Variants in APOOL observed in about 807,000 individuals in gnomAD.
The protein encoded by APOOL is apolipoprotein O like.
APOOL carries 12 observed loss-of-function variants against 23.1 expected under a neutral mutation model. The observed-to-expected ratio is 0.52, with a 90% confidence interval of 0.33 to 0.84. APOOL has a LOEUF of 0.84. Ranked by LOEUF, APOOL falls within the 40% of genes least tolerant of loss-of-function variation. The pLI, the probability that APOOL is intolerant of heterozygous loss-of-function variation, is 0.02. For synonymous variants in APOOL, 77 were observed against 69.9 expected, an observed-to-expected ratio of 1.10 and a Z score of -0.51; for missense variants, 212 against 199.6, an observed-to-expected ratio of 1.06 and a Z score of -0.37.
chrX:85,003,980 A>C, intron 1 of APOOL, 53 bp downstream of exon 1: 1 of 1,200,074 alleles, frequency 8.3e-7, no homozygotes, highest in Non-Finnish European at 1.1e-6. Context: ...GCATCCCGGT[A>C]ACTGTAAAAG....
intron 1 of APOOL, among the ~76,000 whole-genome samples, chrX:85,017,501 G>C (rs951000299): frequency 9.0e-6 from 1 of 111,593 alleles, no homozygotes; most frequent in African/African-American, 3.3e-5. Context: ...TCCTATGCTC[G>C]TATTTGCAGC....
In APOOL at chrX:85,003,942, A is replaced by G. The variant is rs1262454919; in HGVS notation, c.15+15A>G. Reference sequence around the variant, plus strand: ...CGGCCATCAGGGTAAGCGAAAACCAACTTGCTTAATTTCTGTGGGTGCCGA... The same window carrying G: ...CGGCCATCAGGGTAAGCGAAAACCAGCTTGCTTAATTTCTGTGGGTGCCGA... On this transcript the variant is annotated intron_variant, in intron 1 of 8. Coordinates refer to ENST00000373173, the MANE Select transcript of APOOL (RefSeq NM_198450.6). 2.5e-6 allele frequency: 3 copies of G among 1,209,868 alleles called. No individual in the cohort carries two copies. In the Admixed American group the frequency reaches 6.5e-5, roughly 26 times the overall value.
At chrX:85,060,354 G>C (rs1184988673) in intron 5 of APOOL, among the ~76,000 whole-genome samples, 2 of 106,063 alleles carry the variant, frequency 1.9e-5, no homozygotes, top group Admixed American at 1.0e-4. Context: ...TTGACTTGGC[G>C]ATGCGGGCTC....
intron 1 of APOOL, 132 bp downstream of exon 1, chrX:85,004,059 C>G (rs1476202509): frequency 2.4e-6 from 2 of 821,797 alleles, no homozygotes; most frequent in East Asian, 3.2e-5. Context: ...GAGATAATTG[C>G]AATCTTTATC....
chrX:85,028,818 A>T (rs910172293), intron 1 of APOOL, among the ~76,000 whole-genome samples: 1 of 111,185 alleles, frequency 9.0e-6, no homozygotes, highest in African/African-American at 3.3e-5. Flanking sequence ...GACTTATTTC[A>T]CTTAACATAA....
intron 6 of APOOL, among the ~76,000 whole-genome samples, chrX:85,068,877 A>T (rs1410278452): frequency 1.8e-5 from 2 of 112,078 alleles, no homozygotes; most frequent in Admixed American, 1.9e-4. Context: ...ATGTTCTTCT[A>T]GACATCTTCA....
At chrX:85,016,667 G>C (rs755021229) in intron 1 of APOOL, among the ~76,000 whole-genome samples, 1 of 111,071 alleles carries the variant, frequency 9.0e-6, no homozygotes, top group Non-Finnish European at 1.9e-5. Flanking sequence ...AGTGCCGGGG[G>C]GTACAAGGTC....
chrX:85,017,074 C>G (rs1271821001), intron 1 of APOOL, among the ~76,000 whole-genome samples: 1 of 112,021 alleles, frequency 8.9e-6, no homozygotes, highest in Non-Finnish European at 1.9e-5. Context: ...CAAGAGTTCA[C>G]GTCTTTTGTA....
intron 2 of APOOL, among the ~76,000 whole-genome samples, chrX:85,047,772 C>T (rs1237112955): frequency 9.0e-6 from 1 of 111,207 alleles, no homozygotes; most frequent in East Asian, 2.8e-4. Context: ...TGCTTTTTAT[C>T]TCTTCCCGCT....
At chrX:85,061,584 T>C (rs970703879) in intron 5 of APOOL, among the ~76,000 whole-genome samples, 1 of 112,100 alleles carries the variant, frequency 8.9e-6, no homozygotes, top group African/African-American at 3.2e-5. Flanking sequence ...ATTCAGAGAT[T>C]CAGCTTCTTC....
At chrX:85,004,660 A>G (rs1723516236) in intron 1 of APOOL, among the ~76,000 whole-genome samples, 2 of 112,062 alleles carry the variant, frequency 1.8e-5, no homozygotes, top group South Asian at 7.5e-4. Context: ...GGCAGCGTCT[A>G]CAGTTCTGGT....
intron 4 of APOOL, among the ~76,000 whole-genome samples, chrX:85,055,548 G>A (rs959593338): frequency 6.3e-5 from 7 of 111,688 alleles, no homozygotes; most frequent in Non-Finnish European, 1.3e-4. Flanking sequence ...ATATTAAGAT[G>A]TGCCCTCTAG....
intron 1 of APOOL, among the ~76,000 whole-genome samples, chrX:85,025,583 G>A (rs1163715308): frequency 8.9e-6 from 1 of 112,283 alleles, no homozygotes; most frequent in Non-Finnish European, 1.9e-5. Flanking sequence ...TAGGCATTAG[G>A]TAAACATTCT....
At position 85,014,842 on chromosome X, in the gene APOOL, C is replaced by T. The variant is rs186526466; in HGVS notation, c.15+10915C>T. On this transcript the variant is annotated intron_variant, in intron 1 of 8. Coordinates refer to ENST00000373173, the MANE Select transcript of APOOL (RefSeq NM_198450.6). The stretch of plus-strand genomic sequence containing the variant: ...ATGAATTTCCCAGAAGTTCTTTGAG[C>T]TTCTTTTAGTTGGATGTTTAGATCT... 6.4e-5 allele frequency among the ~76,000 whole-genome samples: 7 copies of T among 109,840 alleles called. No individual in the cohort carries two copies. In the East Asian group the frequency reaches 1.7e-3, roughly 27 times the overall value.
intron 6 of APOOL, among the ~76,000 whole-genome samples, chrX:85,068,396 C>CTTT (rs776359466): frequency 6.4e-5 from 6 of 93,184 alleles, no homozygotes; most frequent in African/African-American, 7.8e-5. Flanking sequence ...GATTCTTCTT[C>CTTT]TTTTTTTTTT....
At chrX:85,021,042 G>C (rs753485103) in intron 1 of APOOL, among the ~76,000 whole-genome samples, 2 of 112,122 alleles carry the variant, frequency 1.8e-5, no homozygotes, top group South Asian at 7.5e-4. Flanking sequence ...CCATAGGCTT[G>C]GGGTCCACTC....
chrX:85,054,472 T>C, intron 4 of APOOL, 74 bp downstream of exon 4: 1 of 926,773 alleles, frequency 1.1e-6, no homozygotes, highest in South Asian at 2.4e-5. Flanking sequence ...AAAAATAAAC[T>C]TGGTATGTTA....
At chrX:85,057,805 A>G (rs903253573) in intron 5 of APOOL, among the ~76,000 whole-genome samples, 2 of 110,273 alleles carry the variant, frequency 1.8e-5, no homozygotes, top group East Asian at 2.9e-4. Context: ...AGTAAGAAAT[A>G]ATTACAAACC....
chrX:85,045,608 C>T (rs750309222), intron 1 of APOOL, among the ~76,000 whole-genome samples: 9 of 111,686 alleles, frequency 8.1e-5, no homozygotes, highest in Middle Eastern at 9.3e-3. Context: ...AATATTTGTA[C>T]CTTGGAAAGC....
Sources: allele counts gnomAD v4.1 joint callset (sites outside exome capture counted in the v4.1 genomes callset), GRCh38; gene constraint gnomAD v4.1.1; transcripts MANE v1.5; gene names NCBI Gene and HGNC (gene_info 2026-07-23, HGNC 2026-07-21).